FREM2: variants seen among roughly 807,000 people sequenced by gnomAD.
FREM2 encodes the protein FRAS1 related extracellular matrix 2, also known as FRAS1-related extracellular matrix protein 2.
Under a neutral mutation model 219.9 loss-of-function variants are expected in FREM2, and 119 were observed. That is an observed-to-expected ratio of 0.54 (90% CI 0.47 to 0.63). The LOEUF is 0.63. Ranked by LOEUF, FREM2 falls within the 30% of genes least tolerant of loss-of-function variation. The pLI is 0.00. For missense variants in FREM2, 4,030 were observed against 3,993.6 expected (o/e 1.01, Z -0.25); for synonymous variants, 1,562 against 1,522.8 (o/e 1.03, Z -0.60).
intron 2 of FREM2, among the ~76,000 whole-genome samples, chr13:38,758,597 G>T (rs934070384): frequency 6.6e-6 from 1 of 152,152 alleles, no homozygotes; most frequent in Non-Finnish European, 1.5e-5. Flanking sequence ...TGCACCAGGT[G>T]GTTTTCAGCA....
intron 6 of FREM2, among the ~76,000 whole-genome samples, chr13:38,787,569 A>G (rs1874379319): frequency 6.6e-6 from 1 of 151,950 alleles, no homozygotes; most frequent in East Asian, 1.9e-4. Context: ...GGCACCTTCC[A>G]CTTTCCCCAA....
At chr13:38,838,565 G>T (rs879439686) in intron 6 of FREM2, among the ~76,000 whole-genome samples, 2 of 152,146 alleles carry the variant, frequency 1.3e-5, no homozygotes, top group African/African-American at 4.8e-5. Context: ...TTTCAAACTT[G>T]GTTCTATTCT....
intron 16 of FREM2, among the ~76,000 whole-genome samples, chr13:38,871,108 G>T (rs1878142316): frequency 6.6e-6 from 1 of 152,154 alleles, no homozygotes; most frequent in South Asian, 2.1e-4. Context: ...TTAATGCAAA[G>T]CACCTCTCCT....
Position 38,850,115 on chromosome 13 carries a change from ACT to A in FREM2, c.6458_6459del (p.Thr2153ArgfsTer25). ...GCAGATAGTTACAATGATCCATAGG[ACT>A]GGGGATGTCCAGTACAGATCTTCAG... ...DGQIVTMIHR[T>X]GDVQYRSSVR... On this transcript the variant is annotated frameshift_variant, in exon 9 of 24. Coordinates refer to ENST00000280481, the MANE Select transcript of FREM2 (RefSeq NM_207361.6). LOFTEE classifies it high-confidence loss of function. The A allele has an allele frequency of 6.2e-7, 1 of 1,613,906 alleles. No individual in the cohort carries two copies. Among genetic ancestry groups the A allele is most frequent in the Non-Finnish European group, 8.5e-7 (1 of 1,179,790 alleles).
chr13:38,852,553 A>G (rs1877408803), intron 11 of FREM2, among the ~76,000 whole-genome samples: 1 of 152,200 alleles, frequency 6.6e-6, no homozygotes, highest in East Asian at 1.9e-4. Context: ...CCAGCAATCT[A>G]AATCTAAACC....
At chr13:38,720,670 T>C (rs1384694499) in intron 2 of FREM2, among the ~76,000 whole-genome samples, 1 of 149,380 alleles carries the variant, frequency 6.7e-6, no homozygotes, top group African/African-American at 2.4e-5. Flanking sequence ...TTGGTCCAAC[T>C]GAGTGGTCAA....
chr13:38,709,724 G>T (rs1429882298), intron 2 of FREM2, among the ~76,000 whole-genome samples: 1 of 152,038 alleles, frequency 6.6e-6, no homozygotes, highest in Non-Finnish European at 1.5e-5. Context: ...GCTTTCACAA[G>T]CTGAAGGGTA....
rs147669040 is a variant in FREM2, at chr13:38,691,892, C to T, written c.4548C>T (p.Asn1516=). Residue 1516 remains asparagine (N), a synonymous_variant, in exon 1 of 24, where the codon AAC becomes AAT. Transcript: ENST00000280481. ...AGTTTCAAGTCACCGATGGACGTAA[C>T]CCTGTCTTTCGGACATTCCGTATCT... ...SFEFQVTDGR[N]PVFRTFRISI... 1 of 1,614,142 alleles carries T rather than the reference C, an allele frequency of 6.2e-7. No homozygotes were observed. Among genetic ancestry groups the T allele is most frequent in the South Asian group, 1.1e-5 (1 of 91,080 alleles).
At chr13:38,863,153 G>T (rs1015075391) in intron 15 of FREM2, among the ~76,000 whole-genome samples, 1 of 152,042 alleles carries the variant, frequency 6.6e-6, no homozygotes, top group Non-Finnish European at 1.5e-5. Flanking sequence ...GGGTTCAAGC[G>T]ATTCTCATGC....
At chr13:38,722,903 A>C (rs529495134) in intron 2 of FREM2, among the ~76,000 whole-genome samples, 24 of 152,282 alleles carry the variant, frequency 1.6e-4, no homozygotes, top group African/African-American at 5.8e-4. Flanking sequence ...ATTGTAGGTC[A>C]AAGTGTTGAA....
At chr13:38,711,076 A>C (rs1421806974) in intron 2 of FREM2, among the ~76,000 whole-genome samples, 68 of 152,204 alleles carry the variant, frequency 4.5e-4, no homozygotes, top group Non-Finnish European at 1.3e-4. Context: ...TGGTTCATGT[A>C]ATAAGCATAT....
At position 38,882,306 on chromosome 13, in the gene FREM2, C is replaced by T. The variant is rs1878576923; in HGVS notation, c.*1519C>T. 6.6e-6 allele frequency: 1 copy of T among 152,190 alleles called. No homozygotes were observed. Among genetic ancestry groups the T allele is most frequent in the South Asian group, 2.1e-4 (1 of 4,830 alleles). 9.4% of individuals were successfully genotyped at this position (152,190 alleles called of 1,614,324 possible). A position where few individuals can be genotyped will look rare whatever the true frequency, so the allele number is the denominator to read the frequency against. ...TCCTTCAGATGCTGGCTAGAATCCCCTTTGACTTCTAGCCATAAGCTGGCC... is the reference window on the plus strand; with the variant it reads ...TCCTTCAGATGCTGGCTAGAATCCCTTTTGACTTCTAGCCATAAGCTGGCC... On this transcript the variant is annotated 3_prime_UTR_variant, in exon 24 of 24. Transcript: ENST00000280481.
chr13:38,786,486 G>A (rs1040448801), intron 6 of FREM2, among the ~76,000 whole-genome samples: 21 of 152,016 alleles, frequency 1.4e-4, no homozygotes, highest in African/African-American at 4.6e-4. Context: ...ATAAAGTACA[G>A]AAATTTTATT....
chr13:38,803,954 C>T (rs1180249464), intron 6 of FREM2, among the ~76,000 whole-genome samples: 2 of 151,776 alleles, frequency 1.3e-5, no homozygotes, highest in African/African-American at 4.8e-5. Flanking sequence ...TCATTTGTGC[C>T]TAGCTGAAAG....
chr13:38,834,210 T>G (rs1876623785), intron 6 of FREM2, among the ~76,000 whole-genome samples: 1 of 148,536 alleles, frequency 6.7e-6, no homozygotes, highest in African/African-American at 2.5e-5. Context: ...GATGTTCCCC[T>G]CCCTGTGCCC....
Position 38,886,427 on chromosome 13 carries a change from C to G in FREM2, c.*5640C>G, listed in dbSNP as rs535523494. 2.6e-5 allele frequency: 4 copies of G among 151,418 alleles called. No individual in the cohort carries two copies. Among genetic ancestry groups the G allele is most frequent in the Admixed American group, 1.3e-4 (2 of 15,162 alleles). 9.4% of individuals were successfully genotyped at this position (151,418 alleles called of 1,614,324 possible). A position where few individuals can be genotyped will look rare whatever the true frequency, so the allele number is the denominator to read the frequency against. On this transcript the variant is annotated 3_prime_UTR_variant, in exon 24 of 24. Transcript: ENST00000280481. ...ATTTTTTTTTTTTGAGACAGAGTTTCGCTCTTGTTGCCCAGGCTGGAGTGC... is the reference window on the plus strand; with the variant it reads ...ATTTTTTTTTTTTGAGACAGAGTTTGGCTCTTGTTGCCCAGGCTGGAGTGC...
chr13:38,884,302 T>C lies in FREM2; in HGVS notation c.*3515T>C, dbSNP rs946107459. On this transcript the variant is annotated 3_prime_UTR_variant, in exon 24 of 24. Coordinates refer to ENST00000280481, the MANE Select transcript of FREM2 (RefSeq NM_207361.6). Reference sequence around the variant, plus strand: ...CCAAAGTCAACATTAAAAATGTAAATGGACCTGTGTAAATATCACAGAGAG... The same window carrying C: ...CCAAAGTCAACATTAAAAATGTAAACGGACCTGTGTAAATATCACAGAGAG... 1.3e-5 allele frequency: 2 copies of C among 152,178 alleles called. No individual in the cohort carries two copies. Among genetic ancestry groups the C allele is most frequent in the African/African-American group, 2.4e-5 (1 of 41,444 alleles). The allele number at this position is 152,178 out of a possible 1,614,324, so 9.4% of individuals were successfully genotyped here.
At chr13:38,856,982 C>T (rs1314214533) in intron 12 of FREM2, among the ~76,000 whole-genome samples, 1 of 151,976 alleles carries the variant, frequency 6.6e-6, no homozygotes, top group Non-Finnish European at 1.5e-5. Context: ...ATATTTTTAT[C>T]ATTTTGTAAT....
At chr13:38,867,880 T>C (rs887703809) in intron 16 of FREM2, among the ~76,000 whole-genome samples, 2 of 152,222 alleles carry the variant, frequency 1.3e-5, no homozygotes, top group African/African-American at 4.8e-5. Flanking sequence ...CCCACTTACA[T>C]TGAGTGAGGA....
Sources: gnomAD v4.1 joint callset for allele counts (sites outside exome capture counted in the v4.1 genomes callset) on GRCh38, gnomAD v4.1.1 for gene constraint, MANE v1.5 for transcripts, NCBI Gene and HGNC (gene_info 2026-07-23, HGNC 2026-07-21) for gene names.